OLFML2B: variants seen among roughly 807,000 people sequenced by gnomAD.
The protein encoded by OLFML2B is olfactomedin-like protein 2B.
A neutral mutation model predicts 74.9 loss-of-function variants in OLFML2B; 57 were observed. The ratio of observed to expected loss-of-function variants is 0.76; its 90% CI spans 0.61 to 0.95. The LOEUF (loss-of-function observed/expected upper bound fraction) is 0.95. Ranked by LOEUF, OLFML2B falls within the 40% of genes least tolerant of loss-of-function variation. The probability of loss-of-function intolerance (pLI) is 0.00; values close to 1 mark genes in which losing one functional copy is unlikely to be tolerated. For synonymous variants in OLFML2B, 388 were observed against 405.8 expected, an observed-to-expected ratio of 0.96 and a Z score of 0.53; for missense variants, 986 against 970.6, an observed-to-expected ratio of 1.02 and a Z score of -0.21.
chr1:161,984,788 G>T lies in OLFML2B; in HGVS notation c.1651+16C>A, dbSNP rs201214974. 1 of 1,611,932 alleles carries T rather than the reference G, an allele frequency of 6.2e-7. No homozygotes were observed. ...GGAAGGGAAGGAGCAGTCTGGGTTG[G>T]ATCTTTATCATGTACCTTGTTTGAA... On this transcript the variant is annotated intron_variant, in intron 7 of 7. Transcript: ENST00000294794.
chr1:161,985,543 A>C (rs1571280765), intron 6 of OLFML2B, among the ~76,000 whole-genome samples: 1 of 152,242 alleles, frequency 6.6e-6, no homozygotes, highest in African/African-American at 2.4e-5. Context: ...CCCAGGGTGA[A>C]CACACAGCAT....
intron 1 of OLFML2B, among the ~76,000 whole-genome samples, chr1:162,022,244 C>CTTTTTTTTTTTTTTTTTT (rs56395023): frequency 4.2e-5 from 3 of 70,738 alleles, no homozygotes; most frequent in African/African-American, 5.9e-5. Flanking sequence ...TGTATCTCTT[C>CTTTTTTTTTTTTTTTTTT]TTTTTTTTTT....
rs138296438 is a variant in OLFML2B, at chr1:162,023,519, G to T, written c.-89C>A. ...AGGACTTCTGCGAGAGGGTGTCCTC[G>T]CTAGAGCCCGAAAGTGGCTGCTGAG... On this transcript the variant is annotated 5_prime_UTR_variant, in exon 1 of 8. Coordinates refer to ENST00000294794, the MANE Select transcript of OLFML2B (RefSeq NM_015441.3). 2,010 of 1,312,072 alleles carry T rather than the reference G, an allele frequency of 1.5e-3. 54 individuals are homozygous for T. In the East Asian group the frequency reaches 0.051, roughly 34 times the overall value. The allele number at this position is 1,312,072 out of a possible 1,614,324, so 81.3% of individuals were successfully genotyped here.
In OLFML2B at chr1:161,997,820, C is replaced by G; in HGVS notation, c.1474+5G>C. On this transcript the variant is annotated splice_donor_5th_base_variant and intron_variant, in intron 6 of 7. Transcript: ENST00000294794. ...GGAGACCAAGGCCAGGTACAATGAA[C>G]TTACCTATGACATTCCGGATGTCAT... 6.2e-7 allele frequency: 1 copy of G among 1,606,794 alleles called. No individual in the cohort carries two copies. The highest frequency in any genetic ancestry group is 8.5e-7 in the Non-Finnish European group (1 of 1,175,100).
In OLFML2B at chr1:161,983,934, C is replaced by A. The variant is rs372811871; in HGVS notation, c.1994G>T (p.Arg665Leu). 1 of 1,614,224 alleles carries A rather than the reference C, an allele frequency of 6.2e-7. No homozygotes were observed. Among genetic ancestry groups the A allele is most frequent in the Non-Finnish European group, 8.5e-7 (1 of 1,180,036 alleles). Reference protein sequence around the residue: ...DLSTQKETTWRTGLRRNFYGN... With the variant: ...DLSTQKETTWLTGLRRNFYGN... ...GTAGAAATTCCTCCGGAGCCCCGTG[C>A]GCCATGTGGTCTCCTTCTGTGTGCT... is the stretch of plus-strand genomic sequence containing the variant. Residue 665 changes from arginine to leucine, a missense_variant, in exon 8 of 8, where the codon CGC becomes CTC. Arg to Leu is a moderately radical substitution (Grantham distance 102, BLOSUM62 -2). Transcript: ENST00000294794.
At chr1:162,007,363 C>T (rs1354328053) in intron 3 of OLFML2B, among the ~76,000 whole-genome samples, 1 of 152,122 alleles carries the variant, frequency 6.6e-6, no homozygotes, top group Non-Finnish European at 1.5e-5. Flanking sequence ...AGGTAGCTTC[C>T]TAGAGAAGTT....
chr1:162,020,942 C>T (rs534693006), intron 1 of OLFML2B, among the ~76,000 whole-genome samples: 8 of 152,302 alleles, frequency 5.3e-5, no homozygotes, highest in African/African-American at 1.9e-4. Flanking sequence ...CTACTAAGGA[C>T]TGTGAGGTGC....
intron 6 of OLFML2B, among the ~76,000 whole-genome samples, chr1:161,988,393 C>T (rs1689646005): frequency 6.6e-6 from 1 of 152,192 alleles, no homozygotes; most frequent in African/African-American, 2.4e-5. Flanking sequence ...CAAGCTTCCC[C>T]AGTAGGGTCC....
In OLFML2B at chr1:161,985,077, G is replaced by A. The variant is rs183698947; in HGVS notation, c.1475-97C>T. Reference sequence around the variant, plus strand: ...CATCCATTTAGAGTCTGGACTCCTCGGCAGGCTTTAACAGCCCTGTATAAC... The same window carrying A: ...CATCCATTTAGAGTCTGGACTCCTCAGCAGGCTTTAACAGCCCTGTATAAC... On this transcript the variant is annotated intron_variant, in intron 6 of 7. Coordinates refer to ENST00000294794, the MANE Select transcript of OLFML2B (RefSeq NM_015441.3). The A allele has an allele frequency of 6.1e-5, 81 of 1,325,494 alleles. No homozygotes were observed. The South Asian group carries it at 8.3e-4, about 14-fold the overall frequency. 82.1% of individuals were successfully genotyped at this position (1,325,494 alleles called of 1,614,324 possible).
intron 5 of OLFML2B, among the ~76,000 whole-genome samples, chr1:161,998,556 A>G (rs1371318809): frequency 6.6e-6 from 1 of 152,130 alleles, no homozygotes; most frequent in Non-Finnish European, 1.5e-5. Context: ...GTTTCTCTGA[A>G]TAGACTGCAG....
intron 3 of OLFML2B, 144 bp from the exon 4 acceptor site, chr1:162,006,617 G>T: frequency 3.1e-6 from 2 of 649,604 alleles, no homozygotes; most frequent in Non-Finnish European, 5.1e-6. Flanking sequence ...TAGAGAGTGT[G>T]CCCAGCCCTG....
At chr1:161,994,778 C>T (rs1381152875) in intron 6 of OLFML2B, among the ~76,000 whole-genome samples, 1 of 109,498 alleles carries the variant, frequency 9.1e-6, no homozygotes, top group Non-Finnish European at 2.0e-5. Flanking sequence ...TTCTAATTTA[C>T]TTGTTTTTGG....
At chr1:161,995,595 G>A (rs966892838) in intron 6 of OLFML2B, among the ~76,000 whole-genome samples, 76 of 152,168 alleles carry the variant, frequency 5.0e-4, no homozygotes, top group Non-Finnish European at 8.8e-5. Flanking sequence ...GTTGGGGAGA[G>A]GCTGGGTTCT....
Position 161,983,760 on chromosome 1 carries a change from T to C in OLFML2B, c.2168A>G (p.Gln723Arg), listed in dbSNP as rs758813865. 1 of 1,614,016 alleles carries C rather than the reference T, an allele frequency of 6.2e-7. No homozygotes were observed. Among genetic ancestry groups the C allele is most frequent in the Non-Finnish European group, 8.5e-7 (1 of 1,180,008 alleles). ...GCGGTCCTTGGGGTTGTAGTCTATC[T>C]GGGTCGTATAGGAATACTCATTCTC... ...LFENEYSYTT[Q>R]IDYNPKDRLL... Residue 723 changes from glutamine to arginine, a missense_variant, in exon 8 of 8, where the codon CAG (glutamine) becomes CGG (arginine). Coordinates refer to ENST00000294794, the MANE Select transcript of OLFML2B (RefSeq NM_015441.3).
In OLFML2B at chr1:162,005,653, A is replaced by AG. The variant is rs543106898; in HGVS notation, c.723+643dup. Among the ~76,000 whole-genome samples, 41 of 152,294 alleles carry AG rather than the reference A, an allele frequency of 2.7e-4. 1 individual carries two copies. In the South Asian group the frequency reaches 8.1e-3, roughly 30 times the overall value. On this transcript the variant is annotated intron_variant, in intron 4 of 7. Transcript: ENST00000294794. ...ACGCCTGTCATCCCAGTGATTTGGG[A>AG]GGCTGACGCAGAAGGATTGCTTGTG... is the stretch of plus-strand genomic sequence containing the variant.
At chr1:162,018,784 G>A (rs568876453) in intron 2 of OLFML2B, among the ~76,000 whole-genome samples, 1 of 152,324 alleles carries the variant, frequency 6.6e-6, no homozygotes, top group African/African-American at 2.4e-5. Flanking sequence ...GCTTCTACAT[G>A]AAGAAGTCCA....
chr1:161,998,307 A>C lies in OLFML2B; in HGVS notation c.992T>G (p.Ile331Ser). Residue 331 changes from isoleucine (I) to serine (S), a missense_variant, in exon 6 of 8, where the codon ATT becomes AGT. Ile to Ser is a moderately radical substitution (Grantham distance 142). Transcript: ENST00000294794. ...GTTGTGTCTCAGGAGCTGATCTTCA[A>C]TCAGCAAATCCACTCCATTGTCACC... ...FSGDNGVDLL[I>S]EDQLLRHNGL... is the part of the protein sequence containing the mutation. 1 of 1,583,938 alleles carries C rather than the reference A, an allele frequency of 6.3e-7. No homozygotes were observed. The highest frequency in any genetic ancestry group is 8.6e-7 in the Non-Finnish European group (1 of 1,158,958).
At position 161,984,134 on chromosome 1, in the gene OLFML2B, C is replaced by CCTG. The variant is rs778961971; in HGVS notation, c.1793_1794insCAG (p.Trp598delinsCysArg). ...CGTAGGCCACGTCATGCAGCATGGC[C>CCTG]CAGGCAGCCACGTAGCGCTGCTTCA... On this transcript the variant is annotated protein_altering_variant, in exon 8 of 8. Transcript: ENST00000294794. 43 of 1,610,706 alleles carry CCTG rather than the reference C, an allele frequency of 2.7e-5. No individual in the cohort carries two copies. The highest frequency in any genetic ancestry group is 3.5e-5 in the Non-Finnish European group (41 of 1,178,206).
intron 6 of OLFML2B, among the ~76,000 whole-genome samples, chr1:161,987,780 G>C (rs776845494): frequency 6.6e-6 from 1 of 152,178 alleles, no homozygotes; most frequent in African/African-American, 2.4e-5. Context: ...GGGAGTCCCC[G>C]CTTGCATTTT....
Sources: gnomAD v4.1 joint callset for allele counts (sites outside exome capture counted in the v4.1 genomes callset) on GRCh38, gnomAD v4.1.1 for gene constraint, MANE v1.5 for transcripts, NCBI Gene and HGNC (gene_info 2026-07-23, HGNC 2026-07-21) for gene names.